TRIM33: variants seen among roughly 807,000 people sequenced by gnomAD.
The protein encoded by TRIM33 is tripartite motif containing 33.
TRIM33 carries 20 observed loss-of-function variants against 125.4 expected under a neutral mutation model. The ratio of observed to expected loss-of-function variants is 0.16; its 90% CI spans 0.11 to 0.23. The LOEUF (loss-of-function observed/expected upper bound fraction) is 0.23, where lower values mean the gene tolerates loss of function less well. Ranked by LOEUF, TRIM33 falls within the 10% of genes least tolerant of loss-of-function variation. The pLI is 1.00. For missense variants in TRIM33, 920 were observed against 1,411.4 expected, an observed-to-expected ratio of 0.65 and a Z score of 5.58; for synonymous variants, 564 against 513.9, an observed-to-expected ratio of 1.10 and a Z score of -1.32.
chr1:114,425,396 T>C, intron 9 of TRIM33, 53 bp downstream of exon 9: 2 of 1,581,640 alleles, frequency 1.3e-6, no homozygotes, highest in Non-Finnish European at 1.7e-6. Context: ...GGAAAAAGTG[T>C]AGTGTTGAGG....
At chr1:114,420,269 CT>C in intron 11 of TRIM33, 1 of 499,570 alleles carries the variant, frequency 2.0e-6, no homozygotes, top group East Asian at 5.6e-5. Context: ...TCATTTCCCC[CT>C]CTCAGTATAA....
chr1:114,419,761 C>T (rs184425037), intron 11 of TRIM33, among the ~76,000 whole-genome samples: 279 of 152,284 alleles, frequency 1.8e-3, no homozygotes, highest in Non-Finnish European at 2.4e-3. Flanking sequence ...GCTGCTCTTA[C>T]AGGAGCAGGG....
At chr1:114,462,409 A>G (rs1465584209) in intron 4 of TRIM33, among the ~76,000 whole-genome samples, 1 of 152,218 alleles carries the variant, frequency 6.6e-6, no homozygotes, top group African/African-American at 2.4e-5. Flanking sequence ...AATAAAATCT[A>G]TTCCCATCCA....
chr1:114,455,342 G>C lies in TRIM33; in HGVS notation c.923+7762C>G, dbSNP rs1162844440. ...GACTGACATGATGATGGGATAGTCA[G>C]GAGATGACTATGAGTGACATGACTA... On this transcript the variant is annotated intron_variant, in intron 4 of 19. Coordinates refer to ENST00000358465, the MANE Select transcript of TRIM33 (RefSeq NM_015906.4). 2.6e-5 allele frequency among the ~76,000 whole-genome samples: 4 copies of C among 152,208 alleles called. No individual in the cohort carries two copies. The East Asian group carries it at 7.7e-4, about 29-fold the overall frequency.
intron 1 of TRIM33, among the ~76,000 whole-genome samples, chr1:114,491,977 G>A (rs1392201609): frequency 2.0e-5 from 3 of 152,088 alleles, no homozygotes; most frequent in African/African-American, 4.8e-5. Flanking sequence ...ATTACATTTA[G>A]GGCCATTTGA....
chr1:114,431,263 G>A (rs959999672), intron 5 of TRIM33, among the ~76,000 whole-genome samples: 7 of 152,094 alleles, frequency 4.6e-5, no homozygotes, highest in Non-Finnish European at 7.4e-5. Context: ...TAACCTTGAC[G>A]TTTTCCAAGA....
intron 1 of TRIM33, among the ~76,000 whole-genome samples, chr1:114,495,593 T>C (rs1652323622): frequency 6.6e-6 from 1 of 152,084 alleles, no homozygotes; most frequent in African/African-American, 2.4e-5. Flanking sequence ...TCTAGACAGA[T>C]TCAAATAAAC....
intron 1 of TRIM33, among the ~76,000 whole-genome samples, chr1:114,496,878 T>C (rs1330471041): frequency 6.6e-6 from 1 of 152,242 alleles, no homozygotes; most frequent in East Asian, 1.9e-4. Flanking sequence ...TACTTTCCTG[T>C]GAGTTGGGAA....
At chr1:114,411,245 A>G (rs1652569271) in intron 11 of TRIM33, among the ~76,000 whole-genome samples, 2 of 151,966 alleles carry the variant, frequency 1.3e-5, no homozygotes, top group South Asian at 2.1e-4. Flanking sequence ...GGATTTTGCT[A>G]CATTGCCCAG....
rs934309600 is a variant in TRIM33 at position 114,482,324 on chromosome 1, C to T, written c.527-17936G>A. ...ATCTCAACATGCCCCTCATTAAGCT[C>T]GAAAAAGAAGACCAAATGAAAACAT... On this transcript the variant is annotated intron_variant, in intron 1 of 19. Transcript: ENST00000358465. 3.8e-4 allele frequency among the ~76,000 whole-genome samples: 58 copies of T among 151,782 alleles called. 1 individual carries two copies. The highest frequency in any genetic ancestry group is 1.0e-4 in the Non-Finnish European group (7 of 67,968).
chr1:114,415,689 G>A (rs560544222), intron 11 of TRIM33, among the ~76,000 whole-genome samples: 3 of 152,140 alleles, frequency 2.0e-5, no homozygotes, highest in East Asian at 1.9e-4. Flanking sequence ...AGTGGCTCAC[G>A]CCTGTAATCC....
In TRIM33 at chr1:114,511,200, A is replaced by AACCAACGAGAGCGCGC. The variant is rs1553226236; in HGVS notation, c.-125_-124insGCGCGCTCTCGTTGGT. 6.4e-6 allele frequency: 6 copies of AACCAACGAGAGCGCGC among 934,212 alleles called. No homozygotes were observed. The highest frequency in any genetic ancestry group is 7.8e-6 in the Non-Finnish European group (6 of 771,480). The allele number at this position is 934,212 out of a possible 1,614,324, so 57.9% of individuals were successfully genotyped here. A position where few individuals can be genotyped will look rare whatever the true frequency, so the allele number is the denominator to read the frequency against. Reference sequence around the variant, plus strand: ...GCAGCCGAGAGCTAGCGAGAGAGCGAACCAACGAGAGCGCGCGCGCACGCG... The same window carrying AACCAACGAGAGCGCGC: ...GCAGCCGAGAGCTAGCGAGAGAGCGAACCAACGAGAGCGCGCACCAACGAGAGCGCGCGCGCACGCG... On this transcript the variant is annotated 5_prime_UTR_variant, in exon 1 of 20. Transcript: ENST00000358465.
intron 1 of TRIM33, among the ~76,000 whole-genome samples, chr1:114,487,898 C>A (rs1188234759): frequency 9.9e-6 from 1 of 101,464 alleles, no homozygotes; most frequent in African/African-American, 4.7e-5. Context: ...AGCGAGACTC[C>A]GTCTCAAAAA....
chr1:114,441,055 C>T (rs985569473), intron 4 of TRIM33, among the ~76,000 whole-genome samples: 14 of 152,170 alleles, frequency 9.2e-5, no homozygotes, highest in African/African-American at 2.2e-4. Context: ...CCCCGTAATC[C>T]GCAACAATTT....
chr1:114,452,050 A>C (rs1454499200), intron 4 of TRIM33, among the ~76,000 whole-genome samples: 2 of 151,750 alleles, frequency 1.3e-5, no homozygotes, highest in Non-Finnish European at 2.9e-5. Context: ...TAAAGATAAA[A>C]GAAAACTGTG....
Position 114,477,661 on chromosome 1 carries a change from T to A in TRIM33, c.527-13273A>T, listed in dbSNP as rs78555254. ...AAGTTACTATTCATCTCAAAGATTT[T>A]AGAGCATCACTGTGTAACAGAATTT... On this transcript the variant is annotated intron_variant, in intron 1 of 19. Transcript: ENST00000358465. 9.4e-3 allele frequency among the ~76,000 whole-genome samples: 1,439 copies of A among 152,344 alleles called. 21 individuals are homozygous for A. The highest frequency in any genetic ancestry group is 0.033 in the African/African-American group (1,356 of 41,574).
intron 1 of TRIM33, among the ~76,000 whole-genome samples, chr1:114,505,462 C>A (rs769032091): frequency 6.6e-6 from 1 of 152,194 alleles, no homozygotes; most frequent in African/African-American, 2.4e-5. Flanking sequence ...GATAAACAGA[C>A]AGAAACACTA....
intron 7 of TRIM33, 140 bp from the exon 8 acceptor site, chr1:114,427,434 C>A: frequency 1.7e-6 from 1 of 579,072 alleles, no homozygotes. Context: ...TTTAAATTAG[C>A]AATCAAATCA....
At chr1:114,499,065 G>A (rs1344511090) in intron 1 of TRIM33, among the ~76,000 whole-genome samples, 5 of 152,164 alleles carry the variant, frequency 3.3e-5, no homozygotes, top group Admixed American at 2.6e-4. Flanking sequence ...TAAAATCAGA[G>A]TAGCATCAGC....
Sources: allele counts gnomAD v4.1 joint callset (sites outside exome capture counted in the v4.1 genomes callset), GRCh38; gene constraint gnomAD v4.1.1; transcripts MANE v1.5; gene names NCBI Gene and HGNC (gene_info 2026-07-23, HGNC 2026-07-21).